Variants in NTNG2 observed in about 807,000 individuals in gnomAD.
NTNG2 encodes the protein netrin G2, also known as netrin-G2.
NTNG2 carries 15 observed loss-of-function variants against 47.6 expected under a neutral mutation model. The observed-to-expected ratio is 0.32, with a 90% CI of 0.21 to 0.49. NTNG2 has a LOEUF of 0.49. Ranked by LOEUF, NTNG2 falls within the 20% of genes least tolerant of loss-of-function variation. NTNG2 has a pLI of 0.99. For missense variants in NTNG2, 578 were observed against 764.6 expected, an observed-to-expected ratio of 0.76 and a Z score of 2.88; for synonymous variants, 307 against 324.6, an observed-to-expected ratio of 0.95 and a Z score of 0.58.
chr9:132,200,161 G>T (rs1390970546), intron 3 of NTNG2, among the ~76,000 whole-genome samples: 1 of 152,326 alleles, frequency 6.6e-6, no homozygotes, highest in East Asian at 1.9e-4. Context: ...AAAAAAAAGT[G>T]TTTAATAAAA....
At chr9:132,223,170 AG>A (rs1268348538) in intron 3 of NTNG2, among the ~76,000 whole-genome samples, 1 of 152,156 alleles carries the variant, frequency 6.6e-6, no homozygotes, top group East Asian at 1.9e-4. Context: ...ACCATTCTGC[AG>A]GATAATTCGA....
At chr9:132,173,497 C>A (rs1266756063) in intron 2 of NTNG2, among the ~76,000 whole-genome samples, 1 of 152,186 alleles carries the variant, frequency 6.6e-6, no homozygotes, top group Non-Finnish European at 1.5e-5. Flanking sequence ...CCAGACCTTT[C>A]CGGTCTGCGC....
At chr9:132,241,823 G>A (rs1316189084) in intron 7 of NTNG2, 53 bp from the exon 8 acceptor site, 4 of 1,364,670 alleles carry the variant, frequency 2.9e-6, no homozygotes, top group Non-Finnish European at 3.9e-6. Context: ...GAGCTCGGAG[G>A]TTGGCGGGGG....
chr9:132,212,564 C>G (rs1208331785), intron 3 of NTNG2, among the ~76,000 whole-genome samples: 1 of 152,172 alleles, frequency 6.6e-6, no homozygotes, highest in Non-Finnish European at 1.5e-5. Flanking sequence ...CCAGGCTGCG[C>G]CAGGCGACCA....
In NTNG2 at chr9:132,241,389, C is replaced by T. The variant is rs1841977119; in HGVS notation, c.1357+345C>T. On this transcript the variant is annotated intron_variant, in intron 7 of 7. Coordinates refer to ENST00000393229, the MANE Select transcript of NTNG2 (RefSeq NM_032536.4). Reference sequence around the variant, plus strand: ...GGCGGGGACAGGATGCTGCTGAGGTCCGGGGCCGGGCCGAGGGGCGGGTCC... The same window carrying T: ...GGCGGGGACAGGATGCTGCTGAGGTTCGGGGCCGGGCCGAGGGGCGGGTCC... 8 of 396,376 alleles carry T rather than the reference C, an allele frequency of 2.0e-5. No individual in the cohort carries two copies. In the South Asian group the frequency reaches 2.2e-4, roughly 11 times the overall value. 24.6% of individuals were successfully genotyped at this position (396,376 alleles called of 1,614,324 possible). A position where few individuals can be genotyped will look rare whatever the true frequency, so the allele number is the denominator to read the frequency against.
rs1048482305 is a variant in NTNG2 at position 132,218,621 on chromosome 9, C to A, written c.858-8228C>A. Among the ~76,000 whole-genome samples, 1 of 152,086 alleles carries A rather than the reference C, an allele frequency of 6.6e-6. No individual in the cohort carries two copies. Among genetic ancestry groups the A allele is most frequent in the African/African-American group, 2.4e-5 (1 of 41,406 alleles). On this transcript the variant is annotated intron_variant, in intron 3 of 7. Coordinates refer to ENST00000393229, the MANE Select transcript of NTNG2 (RefSeq NM_032536.4). The surrounding 1 kb of genome is among the most constrained non-coding windows in gnomAD (Gnocchi z 5.4). Reference sequence around the variant, plus strand: ...AAGCGATCCTCCTGCCTCAGCCTCCCGAGTAGCTGGGATTACAGGCGCATG... The same window carrying A: ...AAGCGATCCTCCTGCCTCAGCCTCCAGAGTAGCTGGGATTACAGGCGCATG...
chr9:132,187,278 T>C (rs1189970826), intron 2 of NTNG2, among the ~76,000 whole-genome samples: 1 of 152,216 alleles, frequency 6.6e-6, no homozygotes, highest in Non-Finnish European at 1.5e-5. Flanking sequence ...AGTAATTGCT[T>C]GGAGCTGGGA....
intron 3 of NTNG2, among the ~76,000 whole-genome samples, chr9:132,214,410 A>T (rs1839824869): frequency 6.6e-6 from 1 of 152,174 alleles, no homozygotes; most frequent in African/African-American, 2.4e-5. Flanking sequence ...GTCATCCTTC[A>T]TGTGGCTGTC....
At chr9:132,195,843 G>A (rs2130705964) in intron 2 of NTNG2, among the ~76,000 whole-genome samples, 1 of 151,954 alleles carries the variant, frequency 6.6e-6, no homozygotes, top group South Asian at 2.1e-4. Context: ...TGTTGCCTAG[G>A]CTGATCTTGA....
chr9:132,165,185 G>A (rs1835422580), intron 1 of NTNG2, among the ~76,000 whole-genome samples: 1 of 152,214 alleles, frequency 6.6e-6, no homozygotes, highest in Non-Finnish European at 1.5e-5. Flanking sequence ...AGAATCCCAT[G>A]CTGGCTGGAC....
At chr9:132,206,528 G>A (rs1344632226) in intron 3 of NTNG2, among the ~76,000 whole-genome samples, 32 of 152,194 alleles carry the variant, frequency 2.1e-4, no homozygotes, top group East Asian at 3.8e-4. Flanking sequence ...TTATCCAGGC[G>A]TGGTGGCGTG....
chr9:132,241,977 G>T lies in NTNG2; in HGVS notation c.1459G>T (p.Glu487Ter). The T allele has an allele frequency of 2.6e-6, 4 of 1,522,660 alleles. No homozygotes were observed. The highest frequency in any genetic ancestry group is 3.5e-6 in the Non-Finnish European group (4 of 1,143,946). 94.3% of individuals were successfully genotyped at this position (1,522,660 alleles called of 1,614,324 possible). A position where few individuals can be genotyped will look rare whatever the true frequency, so the allele number is the denominator to read the frequency against. ...GCGCGGCTACACCGGCGTGCGCTGC[G>T]AGCAGCCCCGCTGCGACCCCGCCGA... ...CPRGYTGVRC[E>*]QPRCDPADDD... The change falls in exon 8 of 8, where the codon GAG becomes TAG. Residue 487 changes from glutamate (E) to a stop codon, truncating the protein, a stop_gained. Transcript: ENST00000393229. LOFTEE classifies it low-confidence loss of function (END_TRUNC).
rs763770304 is a variant in NTNG2 at position 132,182,507 on chromosome 9, G to A, written c.214-15459G>A. Among the ~76,000 whole-genome samples, 6 of 152,252 alleles carry A rather than the reference G, an allele frequency of 3.9e-5. No individual in the cohort carries two copies. The highest frequency in any genetic ancestry group is 6.5e-5 in the Admixed American group (1 of 15,302). On this transcript the variant is annotated intron_variant, in intron 2 of 7. Transcript: ENST00000393229. This position sits in a 1 kb window ranked among gnomAD's most constrained non-coding sequence, Gnocchi z 4.2. ...GTGGCCTTCCTTGCTGTCTCTGCCCGCTCCAAAATGGAAAATTGTCCCACC... is the reference window on the plus strand; with the variant it reads ...GTGGCCTTCCTTGCTGTCTCTGCCCACTCCAAAATGGAAAATTGTCCCACC...
In NTNG2 at chr9:132,241,784, C is replaced by G. The variant is rs890616035; in HGVS notation, c.1358-92C>G. On this transcript the variant is annotated intron_variant, in intron 7 of 7. Coordinates refer to ENST00000393229, the MANE Select transcript of NTNG2 (RefSeq NM_032536.4). The stretch of plus-strand genomic sequence containing the variant: ...CTACATCCCCGGCCCAGACGGCGCC[C>G]CCGGGATCTCGCACACCCTGCTTCG... The G allele has an allele frequency of 9.7e-5, 93 of 954,692 alleles. No homozygotes were observed. The African/African-American group carries it at 1.5e-3, about 15-fold the overall frequency. The allele number at this position is 954,692 out of a possible 1,614,324, so 59.1% of individuals were successfully genotyped here. A position where few individuals can be genotyped will look rare whatever the true frequency, so the allele number is the denominator to read the frequency against.
chr9:132,239,011 T>C, intron 5 of NTNG2, 93 bp from the exon 6 acceptor site: 1 of 1,323,052 alleles, frequency 7.6e-7, no homozygotes, highest in Non-Finnish European at 1.1e-6. Flanking sequence ...CCTCCGTCCC[T>C]GCATGACCTG....
At chr9:132,213,695 T>A (rs924090144) in intron 3 of NTNG2, among the ~76,000 whole-genome samples, 1 of 36,014 alleles carries the variant, frequency 2.8e-5, no homozygotes, top group African/African-American at 1.5e-4. Context: ...ATGAAAAATG[T>A]TTTTTCCCAA....
rs1371656650 is a variant in NTNG2 at position 132,243,581 on chromosome 9, G to A, written c.*1470G>A. On this transcript the variant is annotated 3_prime_UTR_variant, in exon 8 of 8. Coordinates refer to ENST00000393229, the MANE Select transcript of NTNG2 (RefSeq NM_032536.4). ...GTCCACCTATGTTTATTTCAGAGCA[G>A]TGCCGGGGGTCCGGTCCTGGTTGCT... 6.6e-6 allele frequency: 1 copy of A among 152,378 alleles called. No individual in the cohort carries two copies. The allele number at this position is 152,378 out of a possible 1,614,324, so 9.4% of individuals were successfully genotyped here.
At chr9:132,170,637 G>A (rs964073970) in intron 2 of NTNG2, among the ~76,000 whole-genome samples, 1 of 152,168 alleles carries the variant, frequency 6.6e-6, no homozygotes, top group African/African-American at 2.4e-5. Context: ...TGAGAGGAAG[G>A]GGGAAACCCT....
Position 132,166,667 on chromosome 9 carries a change from A to G in NTNG2, c.-165A>G. ...CCGTGTCGGCCTTTTGGAAACAACA[A>G]GTTCCTCGCTGTTTGCAAAGCTTCA... On this transcript the variant is annotated 5_prime_UTR_variant, in exon 2 of 8. Transcript: ENST00000393229. 4.7e-6 allele frequency: 3 copies of G among 635,140 alleles called. No homozygotes were observed. Among genetic ancestry groups the G allele is most frequent in the South Asian group, 1.8e-5 (1 of 54,264 alleles). The allele number at this position is 635,140 out of a possible 1,614,324, so 39.3% of individuals were successfully genotyped here.
Sources: allele counts gnomAD v4.1 joint callset (sites outside exome capture counted in the v4.1 genomes callset), GRCh38; gene constraint gnomAD v4.1.1; non-coding constraint Gnocchi (gnomAD v3.1); transcripts MANE v1.5; gene names NCBI Gene and HGNC (gene_info 2026-07-23, HGNC 2026-07-21).